The following SLC35F4 variants were observed in gnomAD, a reference collection of about 807,000 sequenced individuals.
SLC35F4 encodes the protein chromosome 14 open reading frame 36.
A neutral mutation model predicts 44.2 loss-of-function variants in SLC35F4; 24 were observed. The observed-to-expected ratio is 0.54, with a 90% CI of 0.39 to 0.76. The LOEUF is 0.76. Ranked by LOEUF, SLC35F4 falls within the 30% of genes least tolerant of loss-of-function variation. The probability of loss-of-function intolerance (pLI) is 0.00; values close to 1 mark genes in which losing one functional copy is unlikely to be tolerated. For missense variants in SLC35F4, 562 were observed against 586.1 expected, an observed-to-expected ratio of 0.96 and a Z score of 0.42; for synonymous variants, 238 against 223.6, an observed-to-expected ratio of 1.06 and a Z score of -0.57.
chr14:57,744,654 A>G (rs1456590871), intron 1 of SLC35F4, among the ~76,000 whole-genome samples: 1 of 152,354 alleles, frequency 6.6e-6, no homozygotes, highest in African/African-American at 2.4e-5. Flanking sequence ...ATACTGTCCA[A>G]GGTAATTTAC....
intron 3 of SLC35F4, among the ~76,000 whole-genome samples, chr14:57,586,717 CAAAAAAAAAAAAAAAAAA>C (rs543963927): frequency 0.039 from 483 of 12,534 alleles, 19 homozygotes; most frequent in African/African-American, 0.06. Context: ...GACTCTGTCT[CAAAAAAAAAAAAAAAAAA>C]AAAAAAAAAA....
At chr14:57,612,353 C>T (rs2071563058) in intron 1 of SLC35F4, among the ~76,000 whole-genome samples, 1 of 152,166 alleles carries the variant, frequency 6.6e-6, no homozygotes, top group South Asian at 2.1e-4. Flanking sequence ...AGTCTCATGC[C>T]TGCCTTTTTC....
At chr14:57,575,496 AG>A (rs1292812966) in intron 4 of SLC35F4, among the ~76,000 whole-genome samples, 1 of 152,120 alleles carries the variant, frequency 6.6e-6, no homozygotes, top group Non-Finnish European at 1.5e-5. Context: ...CAAACAAAAA[AG>A]ATGGGGAAAA....
rs1046168131 is a variant in SLC35F4 at position 57,594,092 on chromosome 14, G to A, written c.136C>T (p.Pro46Ser). The change falls in exon 2 of 8, where the codon CCA becomes TCA. Residue 46 changes from proline (P) to serine (S), a missense_variant. Coordinates refer to ENST00000556826, the MANE Select transcript of SLC35F4 (RefSeq NM_001306087.2). ...TSRSSVTRCK[P>S]GANCPSSHSG... ...TGTGAACTGGGGCAGTTGGCTCCTGGTTTACATCTAGTGACTGATGATCTG... is the reference window on the plus strand; with the variant it reads ...TGTGAACTGGGGCAGTTGGCTCCTGATTTACATCTAGTGACTGATGATCTG... 6.2e-7 allele frequency: 1 copy of A among 1,613,780 alleles called. No homozygotes were observed. Among genetic ancestry groups the A allele is most frequent in the Non-Finnish European group, 8.5e-7 (1 of 1,179,860 alleles).
intron 1 of SLC35F4, among the ~76,000 whole-genome samples, chr14:57,822,458 C>A (rs1883274290): frequency 6.6e-6 from 1 of 152,114 alleles, no homozygotes; most frequent in Non-Finnish European, 1.5e-5. Context: ...GGGAAGAAGA[C>A]AAGGTAAACT....
intron 1 of SLC35F4, among the ~76,000 whole-genome samples, chr14:57,715,941 G>A (rs545462861): frequency 6.6e-6 from 1 of 151,956 alleles, no homozygotes; most frequent in African/African-American, 2.4e-5. Flanking sequence ...AAAGTGAAAA[G>A]GGTTCAAGAT....
chr14:57,975,194 A>G (rs1034548426), downstream of SLC35F4, among the ~76,000 whole-genome samples: 40 of 152,212 alleles, frequency 2.6e-4, no homozygotes, highest in African/African-American at 8.7e-4. Context: ...TGCAATTCCC[A>G]GAGTCCCAGA....
intron 1 of SLC35F4, among the ~76,000 whole-genome samples, chr14:57,689,372 T>C (rs1231638183): frequency 6.6e-6 from 1 of 152,016 alleles, no homozygotes; most frequent in Non-Finnish European, 1.5e-5. Flanking sequence ...TCCACACCAT[T>C]ACCTAGAGAA....
At chr14:57,832,182 C>T (rs1884441979) in intron 1 of SLC35F4, among the ~76,000 whole-genome samples, 1 of 152,078 alleles carries the variant, frequency 6.6e-6, no homozygotes, top group Non-Finnish European at 1.5e-5. Context: ...CTCTGAAGCC[C>T]CTCCCTCCCG....
intron 1 of SLC35F4, among the ~76,000 whole-genome samples, chr14:57,677,958 C>T (rs1218203652): frequency 6.6e-6 from 1 of 152,014 alleles, no homozygotes; most frequent in Non-Finnish European, 1.5e-5. Flanking sequence ...AATAAGATGA[C>T]ATTTGCCTTG....
At chr14:57,751,506 T>C (rs17093636) in intron 1 of SLC35F4, among the ~76,000 whole-genome samples, 2,584 of 152,310 alleles carry the variant, frequency 0.017, 71 homozygotes, top group African/African-American at 0.059. Flanking sequence ...TTGTACTGTA[T>C]ACATGGAGAT....
intron 1 of SLC35F4, among the ~76,000 whole-genome samples, chr14:57,619,815 T>G (rs1220505411): frequency 6.6e-6 from 1 of 152,064 alleles, no homozygotes; most frequent in Admixed American, 6.5e-5. Flanking sequence ...GGCAAATTGC[T>G]AAGTAGAATA....
intron 1 of SLC35F4, among the ~76,000 whole-genome samples, chr14:57,969,675 T>C (rs1484222457): frequency 6.6e-6 from 1 of 152,244 alleles, no homozygotes; most frequent in Admixed American, 6.5e-5. Context: ...GGCTATTTAA[T>C]AGCCTATGAG....
Position 57,748,726 on chromosome 14 carries a change from C to T in SLC35F4, c.103+116997G>A, listed in dbSNP as rs143112434. Reference sequence around the variant, plus strand: ...AATTAAGGTACAATTAGAATTGTTGCATCTAAATATAATGAATCTAGTCCA... The same window carrying T: ...AATTAAGGTACAATTAGAATTGTTGTATCTAAATATAATGAATCTAGTCCA... On this transcript the variant is annotated intron_variant, in intron 1 of 7. Transcript: ENST00000556826. Among the ~76,000 whole-genome samples, 388 of 152,162 alleles carry T rather than the reference C, an allele frequency of 2.5e-3. 5 individuals carry two copies. The highest frequency in any genetic ancestry group is 8.9e-3 in the African/African-American group (371 of 41,516).
chr14:57,820,304 T>A (rs1244631521), intron 1 of SLC35F4, among the ~76,000 whole-genome samples: 1 of 152,216 alleles, frequency 6.6e-6, no homozygotes, highest in African/African-American at 2.4e-5. Flanking sequence ...TGCTTATTAT[T>A]ACTGATCGCT....
intron 1 of SLC35F4, among the ~76,000 whole-genome samples, chr14:57,707,045 C>A (rs985447705): frequency 6.6e-6 from 1 of 152,006 alleles, no homozygotes; most frequent in African/African-American, 2.4e-5. Flanking sequence ...TCAATTTGAA[C>A]CAAGATGGAG....
In SLC35F4 at chr14:57,804,175, G is replaced by A. The variant is rs183272619; in HGVS notation, c.103+61548C>T. Among the ~76,000 whole-genome samples the A allele has an allele frequency of 1.6e-3, 251 of 152,248 alleles. 2 individuals carry two copies. The highest frequency in any genetic ancestry group is 1.7e-3 in the Non-Finnish European group (118 of 68,022). On this transcript the variant is annotated intron_variant, in intron 1 of 7. Transcript: ENST00000556826. ...CTTGTGGATAGGAAGAATCAATATC[G>A]TGAAAATGGCTATACTGCCCAAAGT...
Position 57,763,732 on chromosome 14 carries a change from A to AC in SLC35F4, c.103+101990_103+101991insG, listed in dbSNP as rs760354189. Among the ~76,000 whole-genome samples, 14 of 152,290 alleles carry AC rather than the reference A, an allele frequency of 9.2e-5. No individual in the cohort carries two copies. The East Asian group carries it at 1.7e-3, about 19-fold the overall frequency. On this transcript the variant is annotated intron_variant, in intron 1 of 7. Transcript: ENST00000556826. ...CAATGGTACCACTTTTCAAACACAC[A>AC]GCTTTTCTGCCATTCCATATTATGG...
At chr14:57,595,936 G>T (rs1391854049) in intron 1 of SLC35F4, 1 of 152,242 alleles carries the variant, frequency 6.6e-6, no homozygotes, top group Non-Finnish European at 1.5e-5. Flanking sequence ...AGGGAGTGGG[G>T]ACAGTTAATG....
Sources: gnomAD v4.1 joint callset for allele counts (sites outside exome capture counted in the v4.1 genomes callset) on GRCh38, gnomAD v4.1.1 for gene constraint, MANE v1.5 for transcripts, NCBI Gene and HGNC (gene_info 2026-07-23, HGNC 2026-07-21) for gene names.